The following FOXO1 variants were observed in gnomAD, a reference collection of about 807,000 sequenced individuals.
The protein encoded by FOXO1 is forkhead box O1, also known as forkhead box protein O1.
Under a neutral mutation model 44.1 loss-of-function variants are expected in FOXO1, and 6 were observed. That is an observed-to-expected ratio of 0.14 (90% CI 0.07 to 0.27). FOXO1 has a LOEUF of 0.27. FOXO1 is among the 10% of genes least tolerant of loss of function. The pLI, the probability that FOXO1 is intolerant of heterozygous loss-of-function variation, is 1.00. For missense variants in FOXO1, 737 were observed against 888.8 expected, an observed-to-expected ratio of 0.83 and a Z score of 2.17; for synonymous variants, 380 against 362.7, an observed-to-expected ratio of 1.05 and a Z score of -0.54.
chr13:40,591,460 G>C (rs1008024433), intron 1 of FOXO1, among the ~76,000 whole-genome samples: 5 of 152,136 alleles, frequency 3.3e-5, no homozygotes, highest in African/African-American at 1.2e-4. Context: ...GAGACCTCCA[G>C]GAATGGAGAA....
intron 1 of FOXO1, among the ~76,000 whole-genome samples, chr13:40,610,145 C>T (rs1702344644): frequency 6.6e-6 from 1 of 152,170 alleles, no homozygotes; most frequent in African/African-American, 2.4e-5. Flanking sequence ...ACCTGCCACA[C>T]CCTCACTCCT....
At chr13:40,598,114 G>A (rs1566071282) in intron 1 of FOXO1, among the ~76,000 whole-genome samples, 1 of 152,176 alleles carries the variant, frequency 6.6e-6, no homozygotes, top group Non-Finnish European at 1.5e-5. Flanking sequence ...TCAAGACTGT[G>A]ATAGGCAAAA....
Position 40,563,232 on chromosome 13 carries a change from G to C in FOXO1, c.631-2372C>G, listed in dbSNP as rs116312463. ...GGCCCGAGTGCCAACCACTGCGCCT[G>C]AGCAGAGCCTCTGCACAGCAGGATG... On this transcript the variant is annotated intron_variant, in intron 1 of 2. Transcript: ENST00000379561. Among the ~76,000 whole-genome samples the C allele has an allele frequency of 1.5e-3, 229 of 152,324 alleles. 1 individual carries two copies. The highest frequency in any genetic ancestry group is 5.2e-3 in the African/African-American group (215 of 41,564).
At chr13:40,591,541 G>A (rs1248697126) in intron 1 of FOXO1, among the ~76,000 whole-genome samples, 1 of 152,188 alleles carries the variant, frequency 6.6e-6, no homozygotes, top group African/African-American at 2.4e-5. Flanking sequence ...GCCAGGTAGG[G>A]CGCCCAAGAG....
At chr13:40,577,574 G>C (rs954955867) in intron 1 of FOXO1, among the ~76,000 whole-genome samples, 5 of 152,182 alleles carry the variant, frequency 3.3e-5, no homozygotes, top group African/African-American at 9.7e-5. Flanking sequence ...GATACCTGCA[G>C]ACAGGAACAC....
Position 40,606,276 on chromosome 13 carries a change from A to C in FOXO1, c.631-45416T>G, listed in dbSNP as rs983996501. Reference sequence around the variant, plus strand: ...AAACGGACTACTTCAGGGACCAGCAACATGGTTGGTTGGTTTCTTTCTTTC... The same window carrying C: ...AAACGGACTACTTCAGGGACCAGCACCATGGTTGGTTGGTTTCTTTCTTTC... On this transcript the variant is annotated intron_variant, in intron 1 of 2. Transcript: ENST00000379561. 3.3e-5 allele frequency among the ~76,000 whole-genome samples: 5 copies of C among 152,086 alleles called. 1 individual carries two copies. Among genetic ancestry groups the C allele is most frequent in the Admixed American group, 2.6e-4 (4 of 15,266 alleles).
intron 1 of FOXO1, among the ~76,000 whole-genome samples, chr13:40,593,923 T>A (rs1421357156): frequency 6.6e-6 from 1 of 152,166 alleles, no homozygotes; most frequent in Non-Finnish European, 1.5e-5. Flanking sequence ...CCTAATGAGG[T>A]CCCCTTAGAC....
At position 40,558,049 on chromosome 13, in the gene FOXO1, C is replaced by G. The variant is rs986275692; in HGVS notation, c.*1000G>C. On this transcript the variant is annotated 3_prime_UTR_variant, in exon 3 of 3. Transcript: ENST00000379561. Reference sequence around the variant, plus strand: ...ACGTTGAATATGCAAGTACTAATTACAATGATTTAAGATTAGTCAGAAACA... The same window carrying G: ...ACGTTGAATATGCAAGTACTAATTAGAATGATTTAAGATTAGTCAGAAACA... 1.2e-4 allele frequency: 19 copies of G among 152,626 alleles called. No homozygotes were observed. The highest frequency in any genetic ancestry group is 2.4e-5 in the African/African-American group (1 of 41,444). The allele number at this position is 152,626 out of a possible 1,614,324, so 9.5% of individuals were successfully genotyped here.
At chr13:40,615,397 T>C (rs1311926858) in intron 1 of FOXO1, among the ~76,000 whole-genome samples, 3 of 152,020 alleles carry the variant, frequency 2.0e-5, no homozygotes, top group Non-Finnish European at 2.9e-5. Flanking sequence ...TAACCGGGCA[T>C]GGGGGTGCGC....
chr13:40,559,610 T>C lies in FOXO1; in HGVS notation c.1881A>G (p.Thr627=). 4 of 1,614,228 alleles carry C rather than the reference T, an allele frequency of 2.5e-6. No individual in the cohort carries two copies. Among genetic ancestry groups the C allele is most frequent in the African/African-American group, 2.7e-5 (2 of 75,066 alleles). Residue 627 remains threonine, a synonymous_variant, in exon 2 of 3, where the codon ACA becomes ACG. Transcript: ENST00000379561. ...IIRNDLMDGD[T]LDFNFDNVLP... ...ACACATTGTCAAAGTTAAAATCCAA[T>C]GTATCTCCATCCATGAGGTCATTCC...
rs1380617984 is a variant in FOXO1, at chr13:40,665,809, G to C, written c.404C>G (p.Pro135Arg). 8.2e-7 allele frequency: 1 copy of C among 1,223,056 alleles called. No homozygotes were observed. Among genetic ancestry groups the C allele is most frequent in the Non-Finnish European group, 1.0e-6 (1 of 976,702 alleles). The allele number at this position is 1,223,056 out of a possible 1,614,324, so 75.8% of individuals were successfully genotyped here. ...PPPPGPLSQH[P>R]PVPPAAAGPL... is the part of the protein sequence containing the mutation. Reference sequence around the variant, plus strand: ...CCCAGCGGCGGCGGGGGGCACCGGCGGGTGCTGCGACAGCGGCCCGGGCGG... The same window carrying C: ...CCCAGCGGCGGCGGGGGGCACCGGCCGGTGCTGCGACAGCGGCCCGGGCGG... The change falls in exon 1 of 3, where the codon CCG becomes CGG. Residue 135 changes from proline (P) to arginine (R), a missense_variant. Physicochemically the swap from Pro to Arg is moderately radical, Grantham distance 103. This residue lies in a region of FOXO1 where 213 missense variants were observed against 236.4 expected (regional missense o/e 0.90). Transcript: ENST00000379561.
chr13:40,666,372 G>A lies in FOXO1; in HGVS notation c.-160C>T. On this transcript the variant is annotated 5_prime_UTR_variant, in exon 1 of 3. Coordinates refer to ENST00000379561, the MANE Select transcript of FOXO1 (RefSeq NM_002015.4). ...AACTGGGAGGAAGGCGCGGCGGAGT[G>A]GAAGCGCGAGCCCAGAACTTAACTT... is the stretch of plus-strand genomic sequence containing the variant. 1 of 526,800 alleles carries A rather than the reference G, an allele frequency of 1.9e-6. No individual in the cohort carries two copies. Among genetic ancestry groups the A allele is most frequent in the Non-Finnish European group, 3.1e-6 (1 of 319,092 alleles). The allele number at this position is 526,800 out of a possible 1,614,324, so 32.6% of individuals were successfully genotyped here.
chr13:40,608,741 T>C (rs1192329893), intron 1 of FOXO1, among the ~76,000 whole-genome samples: 1 of 152,244 alleles, frequency 6.6e-6, no homozygotes, highest in African/African-American at 2.4e-5. Flanking sequence ...TCCAAGGCTT[T>C]TCCTGATTCT....
At chr13:40,620,510 A>G (rs1876573827) in intron 1 of FOXO1, 1 of 496,260 alleles carries the variant, frequency 2.0e-6, no homozygotes, top group Non-Finnish European at 3.8e-6. Flanking sequence ...CTAGTACTCT[A>G]AGGGAGGGTT....
chr13:40,635,899 ACAGTG>A (rs1393051511), intron 1 of FOXO1, among the ~76,000 whole-genome samples: 4 of 152,198 alleles, frequency 2.6e-5, no homozygotes, highest in African/African-American at 9.6e-5. Context: ...TGACAGACCC[ACAGTG>A]GCGCCCATCT....
chr13:40,624,746 T>C (rs1157832278), intron 1 of FOXO1, among the ~76,000 whole-genome samples: 1 of 152,218 alleles, frequency 6.6e-6, no homozygotes, highest in Non-Finnish European at 1.5e-5. Context: ...CCTGGAATCA[T>C]TTTTGGTAAG....
At position 40,637,925 on chromosome 13, in the gene FOXO1, C is replaced by T. The variant is rs549710748; in HGVS notation, c.630+27658G>A. ...ACTATACAGAACTGCAGAAAAAGTT[C>T]ATGTTTATCTGTATTACAGATGAGA... On this transcript the variant is annotated intron_variant, in intron 1 of 2. Transcript: ENST00000379561. Among the ~76,000 whole-genome samples the T allele has an allele frequency of 2.1e-3, 319 of 152,268 alleles. 4 individuals are homozygous for T. In the Middle Eastern group the frequency reaches 0.031, roughly 15 times the overall value.
chr13:40,640,096 T>G (rs752484235), intron 1 of FOXO1, among the ~76,000 whole-genome samples: 1 of 152,158 alleles, frequency 6.6e-6, no homozygotes, highest in Non-Finnish European at 1.5e-5. Flanking sequence ...TTCCACTCCT[T>G]GAATAAAACA....
At chr13:40,583,354 T>A (rs1875029076) in intron 1 of FOXO1, among the ~76,000 whole-genome samples, 1 of 152,220 alleles carries the variant, frequency 6.6e-6, no homozygotes, top group African/African-American at 2.4e-5. Context: ...AGCCACCAGC[T>A]GCATTACCCC....
Sources: allele counts gnomAD v4.1 joint callset (sites outside exome capture counted in the v4.1 genomes callset), GRCh38; gene constraint gnomAD v4.1.1; regional missense constraint gnomAD v4.1.1; transcripts MANE v1.5; gene names NCBI Gene and HGNC (gene_info 2026-07-23, HGNC 2026-07-21).